MPP7: variants seen among roughly 807,000 people sequenced by gnomAD.
The protein encoded by MPP7 is MAGUK p55 scaffold protein 7, also known as MAGUK p55 subfamily member 7.
A neutral mutation model predicts 76.5 loss-of-function variants in MPP7; 60 were observed. The ratio of observed to expected loss-of-function variants is 0.78; its 90% CI spans 0.64 to 0.97. The LOEUF is 0.97. Among genes scored for constraint, MPP7 ranks in the 50% least tolerant of loss-of-function variants. The pLI is 0.00. For missense variants in MPP7, 641 were observed against 694.0 expected, an observed-to-expected ratio of 0.92 and a Z score of 0.86; for synonymous variants, 237 against 244.5, an observed-to-expected ratio of 0.97 and a Z score of 0.29.
chr10:28,102,559 A>T (rs1269761745), intron 11 of MPP7, among the ~76,000 whole-genome samples: 1 of 152,146 alleles, frequency 6.6e-6, no homozygotes, highest in Admixed American at 6.5e-5. Flanking sequence ...ATAGATCTCT[A>T]TTTGGATGTC....
chr10:28,177,940 C>T (rs756323826), intron 3 of MPP7, among the ~76,000 whole-genome samples: 1 of 151,982 alleles, frequency 6.6e-6, no homozygotes, highest in Non-Finnish European at 1.5e-5. Flanking sequence ...CACCTAAGGC[C>T]CAGGCAGCAG....
chr10:28,122,346 T>A (rs1834868774), intron 8 of MPP7, among the ~76,000 whole-genome samples: 2 of 152,352 alleles, frequency 1.3e-5, no homozygotes, highest in South Asian at 4.1e-4. Context: ...TGAATGATTA[T>A]TTGATCAACG....
At chr10:28,162,858 ACT>A (rs1169274459) in intron 3 of MPP7, among the ~76,000 whole-genome samples, 3 of 145,080 alleles carry the variant, frequency 2.1e-5, no homozygotes, top group Non-Finnish European at 3.0e-5. Flanking sequence ...TCTTTCTCTC[ACT>A]CTCTCTCTCT....
At chr10:28,214,523 C>G (rs1838245899) in intron 2 of MPP7, among the ~76,000 whole-genome samples, 1 of 152,022 alleles carries the variant, frequency 6.6e-6, no homozygotes, top group Non-Finnish European at 1.5e-5. Context: ...CTTTCTCATC[C>G]CTACCCCACA....
At chr10:28,121,748 G>A (rs1834848102) in intron 8 of MPP7, among the ~76,000 whole-genome samples, 1 of 151,804 alleles carries the variant, frequency 6.6e-6, no homozygotes, top group South Asian at 2.1e-4. Context: ...AAGGGGGGTA[G>A]GGCAAGACAT....
chr10:28,172,318 C>A (rs186922420), intron 3 of MPP7, among the ~76,000 whole-genome samples: 3 of 152,128 alleles, frequency 2.0e-5, no homozygotes, highest in Admixed American at 6.5e-5. Flanking sequence ...TGGAATGGTA[C>A]GAAAAAATCT....
chr10:28,155,880 A>C lies in MPP7; in HGVS notation c.157-5821T>G, dbSNP rs541016533. On this transcript the variant is annotated intron_variant, in intron 3 of 16. Coordinates refer to ENST00000683449, the MANE Select transcript of MPP7 (RefSeq NM_001318170.2). ...AAACACAATGGACTTAAGCAGTTCC[A>C]TCTCCTCTCAGCAGCCACCACACTG... is the stretch of plus-strand genomic sequence containing the variant. Among the ~76,000 whole-genome samples the C allele has an allele frequency of 1.2e-4, 18 of 152,226 alleles. No individual in the cohort carries two copies. The South Asian group carries it at 3.7e-3, about 32-fold the overall frequency.
rs1457671019 is a variant in MPP7, at chr10:28,051,578, C to T, written c.*2487G>A. On this transcript the variant is annotated 3_prime_UTR_variant, in exon 17 of 17. Coordinates refer to ENST00000683449, the MANE Select transcript of MPP7 (RefSeq NM_001318170.2). ...TAGTGGCTCCAACTTAGGGAGCTGG[C>T]TTCTGGAGGGAGGAGTGCTATTCTC... 9.9e-5 allele frequency: 15 copies of T among 152,088 alleles called. No individual in the cohort carries two copies. Among genetic ancestry groups the T allele is most frequent in the Admixed American group, 9.2e-4 (14 of 15,284 alleles). 9.4% of individuals were successfully genotyped at this position (152,088 alleles called of 1,614,324 possible). A position where few individuals can be genotyped will look rare whatever the true frequency, so the allele number is the denominator to read the frequency against.
intron 1 of MPP7, among the ~76,000 whole-genome samples, chr10:28,274,549 G>C (rs1035198006): frequency 2.6e-5 from 4 of 152,026 alleles, no homozygotes; most frequent in African/African-American, 4.8e-5. Context: ...TTTTCTGATA[G>C]CCCTCTAATA....
At chr10:28,269,291 T>G (rs1043635985) in intron 1 of MPP7, among the ~76,000 whole-genome samples, 2 of 152,298 alleles carry the variant, frequency 1.3e-5, no homozygotes, top group Non-Finnish European at 2.9e-5. Context: ...AATGCCCAGA[T>G]AGTGATGACA....
At chr10:28,210,842 C>T (rs1326232913) in intron 2 of MPP7, among the ~76,000 whole-genome samples, 2 of 152,150 alleles carry the variant, frequency 1.3e-5, no homozygotes, top group Non-Finnish European at 2.9e-5. Flanking sequence ...TTCATTAAGC[C>T]ATCTCATATG....
chr10:28,224,733 C>A (rs1229737853), intron 2 of MPP7, among the ~76,000 whole-genome samples: 5 of 152,000 alleles, frequency 3.3e-5, no homozygotes, highest in African/African-American at 1.2e-4. Flanking sequence ...AGAAAGTTAA[C>A]AGGATTCCAA....
intron 16 of MPP7, among the ~76,000 whole-genome samples, chr10:28,055,485 T>C (rs1186945032): frequency 1.2e-4 from 18 of 152,224 alleles, no homozygotes; most frequent in Admixed American, 1.2e-3. Context: ...TCTTTGCTTT[T>C]GATTTTTGGT....
intron 15 of MPP7, among the ~76,000 whole-genome samples, chr10:28,058,043 T>C (rs944098115): frequency 2.0e-5 from 3 of 152,134 alleles, no homozygotes; most frequent in Admixed American, 2.0e-4. Flanking sequence ...TGCCCTTCAG[T>C]TCTAGTGGGG....
chr10:28,097,099 C>A (rs778225878), intron 11 of MPP7, among the ~76,000 whole-genome samples: 21 of 152,032 alleles, frequency 1.4e-4, no homozygotes, highest in Non-Finnish European at 2.8e-4. Flanking sequence ...CAGCGATCCT[C>A]CCACCTCAGC....
intron 2 of MPP7, among the ~76,000 whole-genome samples, chr10:28,329,630 CAAAAA>C (rs10547710): frequency 7.3e-4 from 78 of 106,242 alleles, no homozygotes; most frequent in Non-Finnish European, 7.4e-4. Flanking sequence ...GACTCCGTCT[CAAAAA>C]AAAAAAAAAA....
chr10:28,221,827 G>A (rs546471870), intron 2 of MPP7, among the ~76,000 whole-genome samples: 4 of 152,188 alleles, frequency 2.6e-5, no homozygotes, highest in South Asian at 4.2e-4. Flanking sequence ...GCACTATATC[G>A]GAAAGAGAAG....
intron 2 of MPP7, among the ~76,000 whole-genome samples, chr10:28,312,056 C>T (rs1841292827): frequency 6.6e-6 from 1 of 152,106 alleles, no homozygotes; most frequent in Admixed American, 6.6e-5. Context: ...ATTAACAGCT[C>T]TTAAAGATGG....
chr10:28,243,566 A>G (rs1181773723), intron 1 of MPP7, among the ~76,000 whole-genome samples: 1 of 152,202 alleles, frequency 6.6e-6, no homozygotes, highest in Non-Finnish European at 1.5e-5. Flanking sequence ...CAATAATTTT[A>G]TTTCTATACT....
Sources: gnomAD v4.1 joint callset for allele counts (sites outside exome capture counted in the v4.1 genomes callset) on GRCh38, gnomAD v4.1.1 for gene constraint, MANE v1.5 for transcripts, NCBI Gene and HGNC (gene_info 2026-07-23, HGNC 2026-07-21) for gene names.